The following CDH13 variants were observed in gnomAD, a reference collection of about 807,000 sequenced individuals.
CDH13 encodes cadherin 13, also known as cadherin-13.
CDH13 carries 24 observed loss-of-function variants against 63.8 expected under a neutral mutation model. The observed-to-expected ratio is 0.38, with a 90% CI of 0.27 to 0.53. CDH13 has a LOEUF of 0.53. Ranked by LOEUF, CDH13 falls within the 20% of genes least tolerant of loss-of-function variation. The probability of loss-of-function intolerance (pLI) is 0.85; values close to 1 mark genes in which losing one functional copy is unlikely to be tolerated. For synonymous variants in CDH13, 503 were observed against 355.3 expected, an observed-to-expected ratio of 1.42 and a Z score of -4.67; for missense variants, 1,049 against 903.1, an observed-to-expected ratio of 1.16 and a Z score of -2.07.
At chr16:82,635,258 A>G (rs558880947) in intron 1 of CDH13, among the ~76,000 whole-genome samples, 18 of 152,392 alleles carry the variant, frequency 1.2e-4, no homozygotes, top group African/African-American at 3.8e-4. Flanking sequence ...TAAGAAAGAC[A>G]TCAGAGGCAG....
intron 6 of CDH13, among the ~76,000 whole-genome samples, chr16:83,364,213 A>G (rs1030847663): frequency 6.6e-6 from 1 of 151,772 alleles, no homozygotes. Context: ...AGATAGACAT[A>G]ATAAGTCCAC....
At chr16:82,946,121 G>A (rs1279592281) in intron 2 of CDH13, among the ~76,000 whole-genome samples, 1 of 151,726 alleles carries the variant, frequency 6.6e-6, no homozygotes, top group Non-Finnish European at 1.5e-5. Context: ...GCCCTCCCCT[G>A]TGTCTTTTGC....
chr16:82,691,861 G>T (rs1319524319), intron 1 of CDH13, among the ~76,000 whole-genome samples: 1 of 152,116 alleles, frequency 6.6e-6, no homozygotes, highest in African/African-American at 2.4e-5. Flanking sequence ...CTGAGAACTT[G>T]CTGGAAATGC....
chr16:83,265,727 CTTTTTTTTT>C (rs71272416), intron 5 of CDH13, among the ~76,000 whole-genome samples: 8 of 42,570 alleles, frequency 1.9e-4, no homozygotes, highest in Non-Finnish European at 3.3e-4. Flanking sequence ...TAAATTTCTG[CTTTTTTTTT>C]TTTTTTTTTT....
chr16:82,866,784 G>A (rs1219924317), intron 2 of CDH13, among the ~76,000 whole-genome samples: 1 of 152,146 alleles, frequency 6.6e-6, no homozygotes, highest in Non-Finnish European at 1.5e-5. Context: ...AGGCAGGAAG[G>A]AGAAGTGCCG....
chr16:83,308,204 C>A (rs1263221953), intron 5 of CDH13, among the ~76,000 whole-genome samples: 2 of 152,014 alleles, frequency 1.3e-5, no homozygotes, highest in African/African-American at 4.8e-5. Flanking sequence ...TTTTATAATA[C>A]CATTACCGTC....
chr16:82,942,737 G>C (rs78438729), intron 2 of CDH13, among the ~76,000 whole-genome samples: 7,743 of 152,272 alleles, frequency 0.051, 304 homozygotes, highest in Non-Finnish European at 0.076. Flanking sequence ...ATGTGAAATT[G>C]AGGTTTAAAG....
intron 10 of CDH13, among the ~76,000 whole-genome samples, chr16:83,739,338 C>A (rs1466140714): frequency 6.8e-6 from 1 of 146,646 alleles, no homozygotes; most frequent in African/African-American, 2.4e-5. Context: ...CAACTTGCTC[C>A]TGGAATTAAG....
chr16:82,680,633 A>G (rs960157074), intron 1 of CDH13, among the ~76,000 whole-genome samples: 1 of 152,198 alleles, frequency 6.6e-6, no homozygotes, highest in African/African-American at 2.4e-5. Flanking sequence ...CCATCCCTGC[A>G]TGCATGTTAG....
At chr16:83,545,690 G>T (rs2075374661) in intron 7 of CDH13, among the ~76,000 whole-genome samples, 1 of 152,048 alleles carries the variant, frequency 6.6e-6, no homozygotes, top group East Asian at 1.9e-4. Context: ...TCTCCATACA[G>T]TTCCTCTCCC....
intron 4 of CDH13, among the ~76,000 whole-genome samples, chr16:83,181,295 A>C (rs943108174): frequency 2.0e-5 from 3 of 152,208 alleles, no homozygotes; most frequent in African/African-American, 7.2e-5. Flanking sequence ...TTGTTCACAG[A>C]ATCAAGCGAA....
chr16:82,710,591 A>G (rs1262229995), intron 1 of CDH13, among the ~76,000 whole-genome samples: 1 of 77,996 alleles, frequency 1.3e-5, no homozygotes, highest in African/African-American at 3.6e-5. Context: ...ATATTTCTAT[A>G]TTTATAAAAT....
chr16:83,395,313 C>CA (rs34408360), intron 6 of CDH13, among the ~76,000 whole-genome samples: 13,061 of 132,690 alleles, frequency 0.098, 651 homozygotes, highest in South Asian at 0.13. Flanking sequence ...GACTCTGTCT[C>CA]AAAAAAAAAA....
At chr16:83,032,259 A>T (rs1417499391) in intron 3 of CDH13, 41 bp downstream of exon 3, 1 of 1,505,394 alleles carries the variant, frequency 6.6e-7, no homozygotes, top group East Asian at 2.3e-5. Flanking sequence ...CAAGGAGGAC[A>T]TTAGGTTCTG....
chr16:83,533,685 ATC>A (rs768742560), intron 7 of CDH13, among the ~76,000 whole-genome samples: 31 of 141,786 alleles, frequency 2.2e-4, no homozygotes, highest in Non-Finnish European at 4.6e-4. Flanking sequence ...CAGTGGCACG[ATC>A]TCAGCTCACT....
At chr16:83,062,951 T>C (rs1201639354) in intron 3 of CDH13, among the ~76,000 whole-genome samples, 1 of 147,018 alleles carries the variant, frequency 6.8e-6, no homozygotes, top group Non-Finnish European at 1.5e-5. Context: ...ATGTCTTATG[T>C]GGTGGTTGGC....
intron 2 of CDH13, among the ~76,000 whole-genome samples, chr16:82,966,380 C>G (rs1040545940): frequency 2.0e-5 from 3 of 152,118 alleles, no homozygotes; most frequent in Non-Finnish European, 2.9e-5. Context: ...ATTTCCTGAC[C>G]TCGTGATCCG....
At chr16:83,141,244 T>C (rs897734334) in intron 4 of CDH13, among the ~76,000 whole-genome samples, 11 of 152,188 alleles carry the variant, frequency 7.2e-5, no homozygotes, top group Admixed American at 5.9e-4. Context: ...GATCACAAGA[T>C]GGGAACAGTC....
intron 2 of CDH13, among the ~76,000 whole-genome samples, chr16:82,963,829 C>G (rs1164815774): frequency 6.6e-6 from 1 of 152,186 alleles, no homozygotes. Context: ...TCCTGCCTGA[C>G]TTCTGAAGCC....
Sources: allele counts gnomAD v4.1 joint callset (sites outside exome capture counted in the v4.1 genomes callset), GRCh38; gene constraint gnomAD v4.1.1; transcripts MANE v1.5; gene names NCBI Gene and HGNC (gene_info 2026-07-23, HGNC 2026-07-21).